Variants in LAMA1 observed in about 807,000 individuals in gnomAD.
The protein encoded by LAMA1 is laminin subunit alpha-1.
In LAMA1, 219 loss-of-function variants were observed where a neutral mutation model predicts 348.7. The observed-to-expected ratio is 0.63, with a 90% CI of 0.56 to 0.70. The LOEUF is 0.70. Ranked by LOEUF, LAMA1 falls within the 30% of genes least tolerant of loss-of-function variation. The probability of loss-of-function intolerance (pLI) is 0.00; values close to 1 mark genes in which losing one functional copy is unlikely to be tolerated. For missense variants in LAMA1, 3,744 were observed against 3,888.0 expected (o/e 0.96, Z 0.99); for synonymous variants, 1,487 against 1,491.0 (o/e 1.00, Z 0.06).
At chr18:7,052,353 C>A (rs990023733) in intron 3 of LAMA1, among the ~76,000 whole-genome samples, 11 of 151,968 alleles carry the variant, frequency 7.2e-5, no homozygotes, top group Non-Finnish European at 1.5e-4. Context: ...ATCACTTGAG[C>A]CCCAGAAGCA....
intron 1 of LAMA1, among the ~76,000 whole-genome samples, chr18:7,093,837 C>T (rs1275889204): frequency 6.8e-6 from 1 of 148,006 alleles, no homozygotes; most frequent in Non-Finnish European, 1.5e-5. Context: ...TGCAGTGTCA[C>T]GATATCGGCT....
chr18:7,072,689 C>A (rs937345838), intron 3 of LAMA1, among the ~76,000 whole-genome samples: 2 of 152,134 alleles, frequency 1.3e-5, no homozygotes, highest in Non-Finnish European at 2.9e-5. Context: ...CAAAATCCTG[C>A]CCCAGGATGT....
intron 1 of LAMA1, among the ~76,000 whole-genome samples, chr18:7,086,390 A>G (rs1374376740): frequency 2.0e-5 from 3 of 152,162 alleles, no homozygotes; most frequent in Admixed American, 6.5e-5. Context: ...ACTCCTCTCC[A>G]TGCTCTTTAG....
rs769337299 is a variant in LAMA1, at chr18:6,978,194, A to G, written c.6190+2T>C. ...TGACTGGAAGGAAGGGCGCTGACATACTGGCCATGGTGGAGTCCTGCAGAA... is the reference window on the plus strand; with the variant it reads ...TGACTGGAAGGAAGGGCGCTGACATGCTGGCCATGGTGGAGTCCTGCAGAA... On this transcript the variant is annotated splice_donor_variant, in intron 43 of 62. Coordinates refer to ENST00000389658, the MANE Select transcript of LAMA1 (RefSeq NM_005559.4). LOFTEE classifies it high-confidence loss of function. 3 of 1,614,236 alleles carry G rather than the reference A, an allele frequency of 1.9e-6. No homozygotes were observed. The highest frequency in any genetic ancestry group is 2.5e-6 in the Non-Finnish European group (3 of 1,180,032).
intron 3 of LAMA1, among the ~76,000 whole-genome samples, chr18:7,069,759 C>T (rs1362146065): frequency 6.6e-6 from 1 of 152,110 alleles, no homozygotes; most frequent in African/African-American, 2.4e-5. Flanking sequence ...CAGGAACCTT[C>T]TCCCAGCTGG....
chr18:6,943,097 T>C, intron 62 of LAMA1, 83 bp downstream of exon 62: 1 of 1,167,318 alleles, frequency 8.6e-7, no homozygotes. Context: ...CCTTTCTCAA[T>C]CCCTATTCTA....
chr18:6,956,337 C>T, intron 56 of LAMA1: 1 of 507,236 alleles, frequency 2.0e-6, no homozygotes, highest in Non-Finnish European at 3.7e-6. Flanking sequence ...GCTTTCCTGG[C>T]TAAATGTAAA....
At chr18:7,077,981 G>A (rs1020844187) in intron 3 of LAMA1, among the ~76,000 whole-genome samples, 10 of 147,614 alleles carry the variant, frequency 6.8e-5, no homozygotes, top group South Asian at 2.2e-4. Context: ...GGAGAATCGC[G>A]TGAACCCGGG....
chr18:7,069,050 C>T (rs2058135336), intron 3 of LAMA1, among the ~76,000 whole-genome samples: 1 of 152,170 alleles, frequency 6.6e-6, no homozygotes, highest in South Asian at 2.1e-4. Context: ...TCCTCCCAGG[C>T]CAAATGCAGG....
At chr18:6,966,963 C>G (rs2057636066) in intron 48 of LAMA1, among the ~76,000 whole-genome samples, 1 of 152,168 alleles carries the variant, frequency 6.6e-6, no homozygotes, top group African/African-American at 2.4e-5. Flanking sequence ...AGCCATTCAT[C>G]TGGAACAGAT....
Position 6,942,106 on chromosome 18 carries a change from A to T in LAMA1, c.9201T>A (p.Leu3067=), listed in dbSNP as rs1216931689. The change falls in exon 63 of 63, where the codon CTT becomes CTA. Residue 3067 remains leucine (L), a synonymous_variant. Transcript: ENST00000389658. ...SRAFELHGVF[L]HSCPGTES ...AGGACTCGGTCCCAGGACAGGAATG[A>T]AGGAAAACTCCGTGCAGTTCGAACG... is the stretch of plus-strand genomic sequence containing the variant. 1 of 1,614,192 alleles carries T rather than the reference A, an allele frequency of 6.2e-7. No individual in the cohort carries two copies. The highest frequency in any genetic ancestry group is 1.7e-5 in the Admixed American group (1 of 60,032).
chr18:6,994,186 T>TG (rs74964586), intron 34 of LAMA1, among the ~76,000 whole-genome samples: 106,512 of 151,916 alleles, frequency 0.7, 37,577 homozygotes, highest in East Asian at 0.92. Flanking sequence ...GACCTGATTC[T>TG]CCAGGCTGTG....
intron 60 of LAMA1, among the ~76,000 whole-genome samples, chr18:6,947,836 G>T (rs1369538989): frequency 6.6e-6 from 1 of 152,136 alleles, no homozygotes; most frequent in South Asian, 2.1e-4. Flanking sequence ...GCAGGCAGTT[G>T]TTACCATGCC....
chr18:6,967,774 A>G (rs1244362360), intron 48 of LAMA1, among the ~76,000 whole-genome samples: 4 of 152,114 alleles, frequency 2.6e-5, no homozygotes, highest in South Asian at 4.1e-4. Flanking sequence ...TCCTCAGTGC[A>G]TGGCCCTTCC....
rs138825360 is a variant in LAMA1, at chr18:6,996,554, C to T, written c.4807-1108G>A. Among the ~76,000 whole-genome samples the T allele has an allele frequency of 1.4e-3, 214 of 152,224 alleles. 3 individuals carry two copies. The East Asian group carries it at 0.037, about 26-fold the overall frequency. ...TTGAGAGGTCAAGGTGGGAGGTTCTCTTGAGCTTAGGAGTTCAAGACCAGC... is the reference window on the plus strand; with the variant it reads ...TTGAGAGGTCAAGGTGGGAGGTTCTTTTGAGCTTAGGAGTTCAAGACCAGC... On this transcript the variant is annotated intron_variant, in intron 33 of 62. Transcript: ENST00000389658.
At position 7,016,626 on chromosome 18, in the gene LAMA1, T is replaced by C. The variant is rs766001239; in HGVS notation, c.2854A>G (p.Asn952Asp). Reference sequence around the variant, plus strand: ...GACACGGAGCCTGCCACGCTGCAGTTGCAGGGCCGGCAGCCATGGCCTGAG... The same window carrying C: ...GACACGGAGCCTGCCACGCTGCAGTCGCAGGGCCGGCAGCCATGGCCTGAG... Reference protein sequence around the residue: ...LDSGHGCRPCNCSVAGSVSDG... With the variant: ...LDSGHGCRPCDCSVAGSVSDG... The change falls in exon 21 of 63, where the codon AAC becomes GAC. Residue 952 changes from asparagine to aspartate, a missense_variant. Physicochemically the swap from Asn to Asp is conservative, Grantham distance 23 (BLOSUM62 1). Transcript: ENST00000389658. 9 of 1,613,900 alleles carry C rather than the reference T, an allele frequency of 5.6e-6. No homozygotes were observed. Among genetic ancestry groups the C allele is most frequent in the Non-Finnish European group, 7.6e-6 (9 of 1,179,994 alleles).
chr18:6,949,056 C>G (rs368100268), intron 59 of LAMA1, 45 bp downstream of exon 59: 5 of 1,611,908 alleles, frequency 3.1e-6, no homozygotes, highest in African/African-American at 1.3e-5. Flanking sequence ...AAAATAAACA[C>G]GAACACAACG....
In LAMA1 at chr18:6,994,704, A is replaced by C. The variant is rs1256596584; in HGVS notation, c.4896+653T>G. 1.8e-5 allele frequency among the ~76,000 whole-genome samples: 2 copies of C among 108,910 alleles called. 1 individual carries two copies. The highest frequency in any genetic ancestry group is 9.4e-3 in the Middle Eastern group (2 of 212). The allele number at this position is 108,910 out of a possible 152,430, so 71.4% of individuals were successfully genotyped here. On this transcript the variant is annotated intron_variant, in intron 34 of 62. Coordinates refer to ENST00000389658, the MANE Select transcript of LAMA1 (RefSeq NM_005559.4). ...ACACACACACACACACACACATACA[A>C]AATTCATAAATGAAAAAACAGTAAA...
intron 4 of LAMA1, among the ~76,000 whole-genome samples, 164 bp downstream of exon 4, chr18:7,050,530 T>C (rs1475072993): frequency 6.6e-6 from 1 of 152,272 alleles, no homozygotes; most frequent in Middle Eastern, 3.4e-3. Flanking sequence ...AGGTAAACCA[T>C]ATTGTTTGTG....
Sources: allele counts gnomAD v4.1 joint callset (sites outside exome capture counted in the v4.1 genomes callset), GRCh38; gene constraint gnomAD v4.1.1; transcripts MANE v1.5; gene names NCBI Gene and HGNC (gene_info 2026-07-23, HGNC 2026-07-21).